The following ABCA6 variants were observed in gnomAD, a reference collection of about 807,000 sequenced individuals.
ABCA6 encodes ATP binding cassette subfamily A member 6.
ABCA6 carries 164 observed loss-of-function variants against 191.2 expected under a neutral mutation model. The observed-to-expected ratio is 0.86, with a 90% confidence interval of 0.76 to 0.98. ABCA6 has a LOEUF of 0.98. Among genes scored for constraint, ABCA6 ranks in the 50% least tolerant of loss-of-function variants. The pLI, the probability that ABCA6 is intolerant of heterozygous loss-of-function variation, is 0.00. For synonymous variants in ABCA6, 636 were observed against 647.7 expected, an observed-to-expected ratio of 0.98 and a Z score of 0.27; for missense variants, 1,958 against 1,894.1, an observed-to-expected ratio of 1.03 and a Z score of -0.63.
intron 22 of ABCA6, among the ~76,000 whole-genome samples, chr17:69,098,870 T>C (rs1490085414): frequency 1.3e-5 from 2 of 152,138 alleles, no homozygotes; most frequent in Non-Finnish European, 2.9e-5. Context: ...TGGAGATGCA[T>C]TTCACAACAA....
chr17:69,134,978 G>C (rs1298279664), intron 4 of ABCA6, among the ~76,000 whole-genome samples: 2 of 142,596 alleles, frequency 1.4e-5, no homozygotes, highest in Non-Finnish European at 1.5e-5. Flanking sequence ...CACCTCCTGG[G>C]TTCAAGTGAT....
chr17:69,107,832 A>C lies in ABCA6; in HGVS notation c.2273-20T>G. ...AAAGATCTAAGGCAAAAAAATATGA[A>C]TAGATACTTTGGAAAACCACATTGA... On this transcript the variant is annotated intron_variant, in intron 17 of 38. Coordinates refer to ENST00000284425, the MANE Select transcript of ABCA6 (RefSeq NM_080284.3). The C allele has an allele frequency of 6.9e-7, 1 of 1,446,714 alleles. No homozygotes were observed. The highest frequency in any genetic ancestry group is 9.7e-7 in the Non-Finnish European group (1 of 1,035,390). 89.6% of individuals were successfully genotyped at this position (1,446,714 alleles called of 1,614,324 possible). A position where few individuals can be genotyped will look rare whatever the true frequency, so the allele number is the denominator to read the frequency against.
intron 7 of ABCA6, 108 bp downstream of exon 7, chr17:69,129,502 A>T (rs897037749): frequency 1.1e-6 from 1 of 937,680 alleles, no homozygotes; most frequent in Admixed American, 2.5e-5. Context: ...ATGCACACAC[A>T]CAATGGACAT....
chr17:69,112,256 A>C lies in ABCA6; in HGVS notation c.2059T>G (p.Ser687Ala). The change falls in exon 16 of 39, where the codon TCC (serine) becomes GCC (alanine). Residue 687 changes from serine (S) to alanine (A), a missense_variant. Ser to Ala is a moderately conservative substitution (Grantham distance 99). Transcript: ENST00000284425. ...DILADRKVIM[S>A]NGRLKCAGSS... The stretch of plus-strand genomic sequence containing the variant: ...CCTGCACACTTCAGTCTCCCATTGG[A>C]CATGATCACTTTTCTATCTGAATGA... The C allele has an allele frequency of 6.2e-7, 1 of 1,612,098 alleles. No homozygotes were observed. Among genetic ancestry groups the C allele is most frequent in the Non-Finnish European group, 8.5e-7 (1 of 1,178,660 alleles).
chr17:69,125,409 C>T (rs1351987801), intron 8 of ABCA6, among the ~76,000 whole-genome samples: 1 of 151,768 alleles, frequency 6.6e-6, no homozygotes, highest in Non-Finnish European at 1.5e-5. Context: ...GAGAACTTAC[C>T]TCCTTTTCTA....
intron 25 of ABCA6, among the ~76,000 whole-genome samples, chr17:69,092,446 TAC>T (rs1174195236): frequency 6.6e-6 from 1 of 152,222 alleles, no homozygotes; most frequent in Non-Finnish European, 1.5e-5. Flanking sequence ...TCCATATTTC[TAC>T]AGTTTCTTTC....
chr17:69,107,456 G>T (rs190810689), intron 18 of ABCA6, among the ~76,000 whole-genome samples: 193 of 152,202 alleles, frequency 1.3e-3, no homozygotes, highest in African/African-American at 4.5e-3. Context: ...TAAGAAGCAG[G>T]GAACATCTGA....
chr17:69,100,650 G>T, intron 22 of ABCA6, 147 bp downstream of exon 22: 1 of 779,196 alleles, frequency 1.3e-6, no homozygotes, highest in Non-Finnish European at 1.8e-6. Context: ...ATCCTGTTTT[G>T]TTTGCTATAA....
In ABCA6 at chr17:69,128,811, G is replaced by T. The variant is rs763625796; in HGVS notation, c.934-7C>A. ...TCAGGAACACCAAAGCTACCTGCAA[G>T]AGAGAGAAGACATTCAGCTGTTATA... On this transcript the variant is annotated splice_region_variant and splice_polypyrimidine_tract_variant and intron_variant, in intron 7 of 38. Coordinates refer to ENST00000284425, the MANE Select transcript of ABCA6 (RefSeq NM_080284.3). The T allele has an allele frequency of 1.8e-5, 29 of 1,573,686 alleles. No individual in the cohort carries two copies. The highest frequency in any genetic ancestry group is 2.4e-5 in the Non-Finnish European group (28 of 1,161,320).
chr17:69,087,219 G>T, intron 29 of ABCA6, 134 bp downstream of exon 29: 2 of 1,104,846 alleles, frequency 1.8e-6, no homozygotes, highest in Non-Finnish European at 2.6e-6. Flanking sequence ...ATACTTCTTT[G>T]GAGTGTCCTG....
chr17:69,133,307 G>A (rs185865742), intron 6 of ABCA6, among the ~76,000 whole-genome samples: 1 of 152,210 alleles, frequency 6.6e-6, no homozygotes, highest in African/African-American at 2.4e-5. Flanking sequence ...CAGGGCACCT[G>A]GGTTAGAGTC....
At chr17:69,096,403 G>A (rs2073046517) in intron 24 of ABCA6, 50 bp from the exon 25 acceptor site, 1 of 1,082,846 alleles carries the variant, frequency 9.2e-7, no homozygotes, top group African/African-American at 1.6e-5. Context: ...ATATTACTGA[G>A]GGAAAAATTA....
At chr17:69,129,429 A>C (rs1383498024) in intron 7 of ABCA6, among the ~76,000 whole-genome samples, 181 bp downstream of exon 7, 1 of 152,152 alleles carries the variant, frequency 6.6e-6, no homozygotes, top group African/African-American at 2.4e-5. Flanking sequence ...GTCAAATTTT[A>C]TTTGGATTAC....
At chr17:69,112,328 T>G in intron 15 of ABCA6, 55 bp from the exon 16 acceptor site, 1 of 1,415,758 alleles carries the variant, frequency 7.1e-7, no homozygotes, top group Non-Finnish European at 9.9e-7. Context: ...CTTCTTTCTC[T>G]AGTAAAGAAA....
chr17:69,140,621 C>A lies in ABCA6; in HGVS notation c.83G>T (p.Arg28Ile), dbSNP rs1047443903. The A allele has an allele frequency of 3.8e-6, 6 of 1,598,108 alleles. No homozygotes were observed. In the African/African-American group the frequency reaches 8.1e-5, roughly 22 times the overall value. The change falls in exon 2 of 39, where the codon AGA (arginine) becomes ATA (isoleucine). Residue 28 changes from arginine (R) to isoleucine (I), a missense_variant. Physicochemically the swap from Arg to Ile is moderately conservative, Grantham distance 97. Transcript: ENST00000284425. The stretch of plus-strand genomic sequence containing the variant: ...TTTTAAACATACCAATAAGCTCTCT[C>A]TTTTCATCCTCCATTTCTTAAGAAA... ...KNFLKKWRMKRESLLEWGLSI... is the reference protein window; with the variant it reads ...KNFLKKWRMKIESLLEWGLSI...
At chr17:69,129,511 A>C in intron 7 of ABCA6, 99 bp downstream of exon 7, 1 of 1,018,212 alleles carries the variant, frequency 9.8e-7, no homozygotes. Context: ...CACAATGGAC[A>C]TGAAAGTAGT....
In ABCA6 at chr17:69,134,704, A is replaced by T; in HGVS notation, c.499T>A (p.Leu167Met). ...WDGYGEFSCTLTKYWNRGFVA... is the reference protein window; with the variant it reads ...WDGYGEFSCTMTKYWNRGFVA... ...AATCCTCTATTCCAGTATTTGGTCA[A>T]TGTACATGAAAACTCACCATATCCA... Residue 167 changes from leucine to methionine, a missense_variant, in exon 5 of 39, where the codon TTG (leucine) becomes ATG (methionine). By Grantham distance (15) the Leu-to-Met change is conservative. Transcript: ENST00000284425. The T allele has an allele frequency of 6.2e-7, 1 of 1,613,808 alleles. No individual in the cohort carries two copies.
At chr17:69,112,374 G>A in intron 15 of ABCA6, 101 bp from the exon 16 acceptor site, 1 of 824,076 alleles carries the variant, frequency 1.2e-6, no homozygotes, top group South Asian at 1.5e-5. Context: ...CAAAGGAGAA[G>A]TATTCAACAG....
In ABCA6 at chr17:69,106,128, T is replaced by C. The variant is rs752502034; in HGVS notation, c.2473A>G (p.Thr825Ala). ...CAGAGGCCCATGTCACTCACAGCTG[T>C]CTGCATTTCAGAGAAGGAAGAGTGA... ...LAHSSFSEMQ[T>A]AVSDMGLWRM... The change falls in exon 19 of 39, where the codon ACA becomes GCA. Residue 825 changes from threonine (T) to alanine (A), a missense_variant. Transcript: ENST00000284425. 10 of 1,613,932 alleles carry C rather than the reference T, an allele frequency of 6.2e-6. No homozygotes were observed. In the South Asian group the frequency reaches 8.8e-5, roughly 14 times the overall value.
Sources: allele counts gnomAD v4.1 joint callset (sites outside exome capture counted in the v4.1 genomes callset), GRCh38; gene constraint gnomAD v4.1.1; transcripts MANE v1.5; gene names NCBI Gene and HGNC (gene_info 2026-07-23, HGNC 2026-07-21).